EIF4G3: variants seen among roughly 807,000 people sequenced by gnomAD.
EIF4G3 encodes eIF-4-gamma 3.
A neutral mutation model predicts 186.4 loss-of-function variants in EIF4G3; 34 were observed. That is an observed-to-expected ratio of 0.18 (90% CI 0.14 to 0.24). The LOEUF (loss-of-function observed/expected upper bound fraction) is 0.24, where lower values mean the gene tolerates loss of function less well. Ranked by LOEUF, EIF4G3 falls within the 10% of genes least tolerant of loss-of-function variation. The probability of loss-of-function intolerance (pLI) is 1.00; values close to 1 mark genes in which losing one functional copy is unlikely to be tolerated. For synonymous variants in EIF4G3, 673 were observed against 679.5 expected (o/e 0.99, Z 0.15); for missense variants, 1,536 against 1,948.5 (o/e 0.79, Z 3.99).
intron 33 of EIF4G3, among the ~76,000 whole-genome samples, chr1:20,823,654 C>T (rs2062933621): frequency 6.6e-6 from 1 of 152,144 alleles, no homozygotes; most frequent in African/African-American, 2.4e-5. Context: ...GGATTATAGG[C>T]ATGAGCCACT....
At chr1:20,959,695 A>ATC (rs1553348371) in intron 12 of EIF4G3, among the ~76,000 whole-genome samples, 16 of 146,420 alleles carry the variant, frequency 1.1e-4, no homozygotes, top group Middle Eastern at 7.3e-3. Flanking sequence ...TAATAATAAT[A>ATC]ATCCCATCAA....
chr1:20,965,960 G>C (rs2154565097), intron 12 of EIF4G3, among the ~76,000 whole-genome samples: 1 of 152,242 alleles, frequency 6.6e-6, no homozygotes, highest in Non-Finnish European at 1.5e-5. Flanking sequence ...ATGAAACCCA[G>C]TTATGTCTGA....
intron 4 of EIF4G3, among the ~76,000 whole-genome samples, chr1:21,015,249 T>A (rs999770184): frequency 7.3e-5 from 11 of 151,676 alleles, no homozygotes; most frequent in African/African-American, 2.7e-4. Context: ...TTAAAAAGAA[T>A]AAAGAAAAGG....
chr1:21,062,396 T>G (rs771183747), intron 3 of EIF4G3, among the ~76,000 whole-genome samples: 3 of 151,964 alleles, frequency 2.0e-5, no homozygotes, highest in African/African-American at 7.3e-5. Context: ...AACAAGATCA[T>G]CAGAGAATAA....
chr1:20,981,472 G>A (rs1484850834), intron 8 of EIF4G3, among the ~76,000 whole-genome samples: 2 of 151,338 alleles, frequency 1.3e-5, no homozygotes, highest in Non-Finnish European at 2.9e-5. Flanking sequence ...GTATATATAC[G>A]TATGTATATA....
chr1:20,981,275 G>A, intron 8 of EIF4G3, 48 bp from the exon 9 acceptor site: 1 of 1,258,676 alleles, frequency 7.9e-7, no homozygotes, highest in Non-Finnish European at 1.1e-6. Flanking sequence ...TAACACAGGG[G>A]AATATATAAA....
intron 12 of EIF4G3, among the ~76,000 whole-genome samples, chr1:20,959,676 TAATAATAATA>T (rs1376258580): frequency 1.3e-5 from 2 of 148,332 alleles, no homozygotes; most frequent in Non-Finnish European, 3.0e-5. Context: ...ATAATAATAA[TAATAATAATA>T]ATAATAATAA....
rs531860392 is a variant in EIF4G3 at position 20,908,965 on chromosome 1, C to A, written c.1664-3994G>T. ...AAGAGTTCGAGACCAGCCTGGCCAA[C>A]ACATGGTGAAACCGTGCCTCTACTA... On this transcript the variant is annotated intron_variant, in intron 14 of 36. Coordinates refer to ENST00000602326, the MANE Select transcript of EIF4G3 (RefSeq NM_001391906.1). 1.4e-4 allele frequency among the ~76,000 whole-genome samples: 22 copies of A among 152,096 alleles called. 1 individual carries two copies. The South Asian group carries it at 4.6e-3, about 32-fold the overall frequency.
At chr1:21,016,926 G>A (rs1436554977) in intron 4 of EIF4G3, among the ~76,000 whole-genome samples, 1 of 152,052 alleles carries the variant, frequency 6.6e-6, no homozygotes, top group Non-Finnish European at 1.5e-5. Flanking sequence ...CCGAGATCAC[G>A]CCACTGCACT....
At chr1:20,882,023 G>A (rs991802622) in intron 19 of EIF4G3, among the ~76,000 whole-genome samples, 1 of 151,778 alleles carries the variant, frequency 6.6e-6, no homozygotes, top group Non-Finnish European at 1.5e-5. Context: ...AATTAGCTGG[G>A]TGTGTAGTAA....
At chr1:20,814,770 C>T (rs960204323) in intron 34 of EIF4G3, among the ~76,000 whole-genome samples, 39 of 43,460 alleles carry the variant, frequency 9.0e-4, no homozygotes, top group Non-Finnish European at 1.4e-3. Context: ...CCTCCCCCTC[C>T]CCCTCCCCCT....
chr1:21,144,538 T>C (rs1187089993), intron 2 of EIF4G3, among the ~76,000 whole-genome samples: 1 of 152,052 alleles, frequency 6.6e-6, no homozygotes, highest in African/African-American at 2.4e-5. Flanking sequence ...CTTACAGGCA[T>C]GAGCCACTGG....
intron 4 of EIF4G3, among the ~76,000 whole-genome samples, chr1:21,031,598 G>A (rs1231351040): frequency 6.6e-6 from 1 of 152,036 alleles, no homozygotes; most frequent in Non-Finnish European, 1.5e-5. Flanking sequence ...AGGAGATGGA[G>A]GAAGAGTTCA....
intron 4 of EIF4G3, among the ~76,000 whole-genome samples, chr1:21,026,044 A>C (rs1428039740): frequency 6.6e-6 from 1 of 152,164 alleles, no homozygotes; most frequent in Non-Finnish European, 1.5e-5. Context: ...AAAACAGAAA[A>C]ACTCCCCATC....
rs534523704 is a variant in EIF4G3, at chr1:21,149,105, G to C, written c.-272+27070C>G. On this transcript the variant is annotated intron_variant, in intron 2 of 36. Transcript: ENST00000602326. ...AGACTCTATCTCTAAAAAAAAAAAA[G>C]AAAGAAAGAAATGTTAATATATCAA... is the stretch of plus-strand genomic sequence containing the variant. Among the ~76,000 whole-genome samples the C allele has an allele frequency of 9.8e-4, 146 of 149,026 alleles. 2 individuals are homozygous for C. The highest frequency in any genetic ancestry group is 3.3e-3 in the African/African-American group (136 of 40,598).
intron 10 of EIF4G3, among the ~76,000 whole-genome samples, chr1:20,975,389 A>C (rs142891657): frequency 6.9e-4 from 104 of 151,306 alleles, no homozygotes; most frequent in Middle Eastern, 3.4e-3. Context: ...CAAAAAACAA[A>C]AAAAAAAAAA....
chr1:20,914,044 G>A (rs1054429086), intron 14 of EIF4G3, among the ~76,000 whole-genome samples: 3 of 151,302 alleles, frequency 2.0e-5, no homozygotes, highest in South Asian at 4.2e-4. Flanking sequence ...TCCTGACCTC[G>A]TGATCTGCCC....
At chr1:21,121,049 G>A (rs2096916941) in intron 2 of EIF4G3, among the ~76,000 whole-genome samples, 1 of 152,058 alleles carries the variant, frequency 6.6e-6, no homozygotes, top group Admixed American at 6.6e-5. Flanking sequence ...CCTCCAAGTA[G>A]GTGGGACTAC....
intron 12 of EIF4G3, among the ~76,000 whole-genome samples, chr1:20,959,655 C>CAGTAAT (rs558803925): frequency 2.5e-4 from 35 of 142,522 alleles, no homozygotes; most frequent in African/African-American, 8.5e-4. Context: ...AACAAATCAG[C>CAGTAAT]AATAATAATA....
Sources: gnomAD v4.1 joint callset for allele counts (sites outside exome capture counted in the v4.1 genomes callset) on GRCh38, gnomAD v4.1.1 for gene constraint, MANE v1.5 for transcripts, NCBI Gene and HGNC (gene_info 2026-07-23, HGNC 2026-07-21) for gene names.